Variants in HSPBAP1 observed in about 807,000 individuals in gnomAD.
The protein encoded by HSPBAP1 is HSPB1-associated protein 1.
Under a neutral mutation model 45.2 loss-of-function variants are expected in HSPBAP1, and 27 were observed. The ratio of observed to expected loss-of-function variants is 0.60; its 90% CI spans 0.44 to 0.82. The LOEUF (loss-of-function observed/expected upper bound fraction) is 0.82, where lower values mean the gene tolerates loss of function less well. HSPBAP1 is among the 40% of genes least tolerant of loss of function. The pLI is 0.00. For synonymous variants in HSPBAP1, 204 were observed against 202.7 expected (o/e 1.01, Z -0.06); for missense variants, 510 against 590.9 (o/e 0.86, Z 1.42).
chr3:122,747,820 A>G lies in HSPBAP1; in HGVS notation c.825+4771T>C, dbSNP rs371325655. On this transcript the variant is annotated intron_variant, in intron 6 of 7. Coordinates refer to ENST00000306103, the MANE Select transcript of HSPBAP1 (RefSeq NM_024610.6). ...CGGGAGGTGAGGGGCGCCTCTGCCCAGCCGCCCCTACTGGGAAGTGAGGAG... is the reference window on the plus strand; with the variant it reads ...CGGGAGGTGAGGGGCGCCTCTGCCCGGCCGCCCCTACTGGGAAGTGAGGAG... 2.3e-3 allele frequency among the ~76,000 whole-genome samples: 335 copies of G among 143,488 alleles called. 11 individuals carry two copies. The highest frequency in any genetic ancestry group is 8.2e-3 in the African/African-American group (303 of 36,958). The allele number at this position is 143,488 out of a possible 152,430, so 94.1% of individuals were successfully genotyped here.
At chr3:122,768,929 C>A in intron 2 of HSPBAP1, 47 bp from the exon 3 acceptor site, 1 of 1,156,182 alleles carries the variant, frequency 8.6e-7, no homozygotes, top group Non-Finnish European at 1.2e-6. Flanking sequence ...GAACACATTT[C>A]CTAATTATTG....
intron 1 of HSPBAP1, among the ~76,000 whole-genome samples, chr3:122,785,950 C>G (rs988884207): frequency 1.3e-5 from 2 of 151,984 alleles, no homozygotes; most frequent in African/African-American, 4.8e-5. Flanking sequence ...GCGAGTCAGC[C>G]TTTTTGCCCT....
chr3:122,755,179 G>T, intron 5 of HSPBAP1, 81 bp downstream of exon 5: 1 of 1,287,060 alleles, frequency 7.8e-7, no homozygotes, highest in Non-Finnish European at 1.0e-6. Flanking sequence ...GCAGGGAGGG[G>T]AAGCACACAG....
At position 122,768,833 on chromosome 3, in the gene HSPBAP1, C is replaced by G. The variant is rs747757699; in HGVS notation, c.300G>C (p.Glu100Asp). 1 of 1,613,038 alleles carries G rather than the reference C, an allele frequency of 6.2e-7. No homozygotes were observed. Among genetic ancestry groups the G allele is most frequent in the African/African-American group, 1.3e-5 (1 of 75,038 alleles). ...ACTGGTCACAGTTCCAGGTCAGAAA[C>G]TCTTCGAGTGTAGCTTCTACGTAAT... is the stretch of plus-strand genomic sequence containing the variant. Reference protein sequence around the residue: ...TCNYVEATLEEFLTWNCDQSS... With the variant: ...TCNYVEATLEDFLTWNCDQSS... Residue 100 changes from glutamate to aspartate, a missense_variant, in exon 3 of 8, where the codon GAG becomes GAC. Coordinates refer to ENST00000306103, the MANE Select transcript of HSPBAP1 (RefSeq NM_024610.6).
intron 3 of HSPBAP1, among the ~76,000 whole-genome samples, chr3:122,763,427 T>G (rs190907840): frequency 3.8e-4 from 57 of 151,864 alleles, no homozygotes; most frequent in Admixed American, 3.3e-3. Context: ...ATGCTGTTTA[T>G]TACATATCAG....
rs779692449 is a variant in HSPBAP1 at position 122,759,271 on chromosome 3, A to G, written c.522T>C (p.Cys174=). ...AGTTACAACCATAGGAGTCCAGATG[A>G]CAGGGTGTGTGGGCTCCCAAGGAGC... The part of the protein sequence containing the change: ...WIGSLGAHTP[C]HLDSYGCNLV... Residue 174 remains cysteine (C), a synonymous_variant, in exon 4 of 8, where the codon TGT becomes TGC. Transcript: ENST00000306103. 1.2e-6 allele frequency: 2 copies of G among 1,613,904 alleles called. No individual in the cohort carries two copies. The highest frequency in any genetic ancestry group is 1.1e-5 in the South Asian group (1 of 91,072).
intron 1 of HSPBAP1, among the ~76,000 whole-genome samples, chr3:122,781,475 G>A (rs1469321182): frequency 6.6e-6 from 1 of 152,034 alleles, no homozygotes; most frequent in Non-Finnish European, 1.5e-5. Context: ...GAATCAGGCA[G>A]GGAGGTTGCA....
chr3:122,782,439 G>A (rs1935516483), intron 1 of HSPBAP1, among the ~76,000 whole-genome samples: 1 of 152,056 alleles, frequency 6.6e-6, no homozygotes, highest in African/African-American at 2.4e-5. Context: ...GGATAGGATA[G>A]TAAAGATTAG....
intron 1 of HSPBAP1, among the ~76,000 whole-genome samples, chr3:122,785,056 T>C (rs188542003): frequency 2.0e-5 from 3 of 152,346 alleles, no homozygotes; most frequent in East Asian, 1.9e-4. Flanking sequence ...CAGTGCTCTT[T>C]CCACTGCACA....
At chr3:122,788,564 G>A (rs1007411549) in intron 1 of HSPBAP1, among the ~76,000 whole-genome samples, 30 of 152,194 alleles carry the variant, frequency 2.0e-4, no homozygotes, top group African/African-American at 3.4e-4. Context: ...GTCTGTTGAC[G>A]AATGGATAAG....
In HSPBAP1 at chr3:122,747,516, G is replaced by A. The variant is rs868096603; in HGVS notation, c.825+5075C>T. 2.4e-4 allele frequency among the ~76,000 whole-genome samples: 36 copies of A among 148,750 alleles called. 1 individual carries two copies. The highest frequency in any genetic ancestry group is 8.0e-4 in the African/African-American group (32 of 40,032). The stretch of plus-strand genomic sequence containing the variant: ...GGGTCAGCCCCCCTCCCGGCCAGCC[G>A]CCCCGTCTCGGAGGGAGGTGGGGGT... On this transcript the variant is annotated intron_variant, in intron 6 of 7. Transcript: ENST00000306103.
At position 122,741,275 on chromosome 3, in the gene HSPBAP1, C is replaced by T. The variant is rs1019204455; in HGVS notation, c.826-162G>A. 10 of 606,006 alleles carry T rather than the reference C, an allele frequency of 1.7e-5. No homozygotes were observed. In the African/African-American group the frequency reaches 1.7e-4, roughly 10 times the overall value. 37.5% of individuals were successfully genotyped at this position (606,006 alleles called of 1,614,324 possible). On this transcript the variant is annotated intron_variant, in intron 6 of 7. Transcript: ENST00000306103. Reference sequence around the variant, plus strand: ...TAGAACCACAATTTTTGTGTATTTACTATCACCTGCCATCTAGAAGAGCTG... The same window carrying T: ...TAGAACCACAATTTTTGTGTATTTATTATCACCTGCCATCTAGAAGAGCTG...
At chr3:122,760,803 C>T (rs1018914451) in intron 3 of HSPBAP1, among the ~76,000 whole-genome samples, 2 of 152,106 alleles carry the variant, frequency 1.3e-5, no homozygotes, top group Admixed American at 6.5e-5. Flanking sequence ...AACACACTGG[C>T]TGCTTGGGAG....
intron 2 of HSPBAP1, among the ~76,000 whole-genome samples, chr3:122,770,162 C>T (rs1934938500): frequency 6.6e-6 from 1 of 152,072 alleles, no homozygotes; most frequent in African/African-American, 2.4e-5. Flanking sequence ...TTTCCTTTAC[C>T]TTCTTTTTCC....
intron 3 of HSPBAP1, among the ~76,000 whole-genome samples, chr3:122,759,868 A>C (rs573709216): frequency 3.5e-4 from 54 of 152,356 alleles, no homozygotes; most frequent in Non-Finnish European, 6.9e-4. Context: ...TACGCAACTT[A>C]CTAACTTTGT....
intron 6 of HSPBAP1, among the ~76,000 whole-genome samples, chr3:122,750,242 G>C (rs1934080895): frequency 6.6e-6 from 1 of 152,040 alleles, no homozygotes; most frequent in Non-Finnish European, 1.5e-5. Context: ...CAAAGTGCTG[G>C]GATTACAGGC....
chr3:122,741,488 G>A, intron 6 of HSPBAP1: 1 of 175,928 alleles, frequency 5.7e-6, no homozygotes, highest in Non-Finnish European at 1.2e-5. Flanking sequence ...TTTCAGAGAT[G>A]GAAGAAAAAT....
Position 122,752,657 on chromosome 3 carries a change from T to C in HSPBAP1, c.759A>G (p.Arg253=), listed in dbSNP as rs1934200525. The C allele has an allele frequency of 3.1e-6, 5 of 1,608,650 alleles. No individual in the cohort carries two copies. Among genetic ancestry groups the C allele is most frequent in the Non-Finnish European group, 4.2e-6 (5 of 1,177,884 alleles). ...LSPGQVLFVP[R]HWWHYVESID... ...TGGATTCTACGTAATGCCACCAGTG[T>C]CTGGGAACAAAGAGAACCTGAAAAC... Residue 253 remains arginine (R), a synonymous_variant, in exon 6 of 8, where the codon AGA becomes AGG. Transcript: ENST00000306103.
At chr3:122,790,469 CT>C (rs1935790395) in intron 1 of HSPBAP1, among the ~76,000 whole-genome samples, 1 of 152,168 alleles carries the variant, frequency 6.6e-6, no homozygotes, top group Non-Finnish European at 1.5e-5. Context: ...CTCCAAAGTA[CT>C]TAATGTGTAT....
Sources: gnomAD v4.1 joint callset for allele counts (sites outside exome capture counted in the v4.1 genomes callset) on GRCh38, gnomAD v4.1.1 for gene constraint, MANE v1.5 for transcripts, NCBI Gene and HGNC (gene_info 2026-07-23, HGNC 2026-07-21) for gene names.